Variants in MAP3K3 observed in about 807,000 individuals in gnomAD.
MAP3K3 encodes the protein mitogen-activated protein kinase kinase kinase 3.
In MAP3K3, 12 loss-of-function variants were observed where a neutral mutation model predicts 80.9. The ratio of observed to expected loss-of-function variants is 0.15; its 90% CI spans 0.10 to 0.24. MAP3K3 has a LOEUF of 0.24. MAP3K3 is among the 10% of genes least tolerant of loss of function. The pLI is 1.00. For synonymous variants in MAP3K3, 272 were observed against 307.1 expected, an observed-to-expected ratio of 0.89 and a Z score of 1.19; for missense variants, 596 against 834.7, an observed-to-expected ratio of 0.71 and a Z score of 3.52.
At chr17:63,640,473 A>C (rs1268991255) in intron 2 of MAP3K3, among the ~76,000 whole-genome samples, 2 of 152,194 alleles carry the variant, frequency 1.3e-5, no homozygotes, top group African/African-American at 4.8e-5. Flanking sequence ...CTGAGATCCA[A>C]ACAGTACTAC....
rs184250343 is a variant in MAP3K3, at chr17:63,663,146, A to G, written c.382-3794A>G. Among the ~76,000 whole-genome samples the G allele has an allele frequency of 2.0e-5, 3 of 152,320 alleles. No individual in the cohort carries two copies. In the East Asian group the frequency reaches 5.8e-4, roughly 29 times the overall value. On this transcript the variant is annotated intron_variant, in intron 5 of 15. Coordinates refer to ENST00000361733, the MANE Select transcript of MAP3K3 (RefSeq NM_002401.5). ...AGCTTTGAAGACAACTGAGCTAGCA[A>G]ATGTCCAGAAGACAAAATTTTCAAG...
intron 6 of MAP3K3, among the ~76,000 whole-genome samples, chr17:63,670,330 C>G (rs1330953980): frequency 1.3e-5 from 2 of 151,934 alleles, no homozygotes; most frequent in Admixed American, 1.3e-4. Flanking sequence ...CGCCTGTAAC[C>G]CCAGCACTTG....
chr17:63,628,384 G>A (rs1183794836), intron 1 of MAP3K3, among the ~76,000 whole-genome samples: 1 of 148,466 alleles, frequency 6.7e-6, no homozygotes, highest in African/African-American at 2.5e-5. Flanking sequence ...TTTTGAGACG[G>A]AGTTTCGCTC....
At position 63,693,652 on chromosome 17, in the gene MAP3K3, C is replaced by G; in HGVS notation, c.1756C>G (p.Pro586Ala). Residue 586 changes from proline (P) to alanine (A), a missense_variant, in exon 16 of 16, where the codon CCT becomes GCT. By Grantham distance (27) the Pro-to-Ala change is conservative (BLOSUM62 -1). This residue lies in a region of MAP3K3 where 364 missense variants were observed against 588.9 expected (regional missense o/e 0.62). Transcript: ENST00000361733. The surrounding 1 kb of genome is among the most constrained non-coding windows in gnomAD (Gnocchi z 4.2). The part of the protein sequence containing the change: ...IFKIATQPTN[P>A]QLPSHISEHG... ...CAAGATTGCCACCCAGCCCACCAAT[C>G]CTCAGCTGCCCTCCCACATCTCTGA... is the stretch of plus-strand genomic sequence containing the variant. The G allele has an allele frequency of 1.2e-6, 2 of 1,609,832 alleles. No individual in the cohort carries two copies. The highest frequency in any genetic ancestry group is 1.7e-6 in the Non-Finnish European group (2 of 1,177,114).
chr17:63,633,161 A>G (rs1013639756), intron 2 of MAP3K3, among the ~76,000 whole-genome samples: 2 of 151,730 alleles, frequency 1.3e-5, no homozygotes, highest in Admixed American at 1.3e-4. Context: ...CTGGAAGGCA[A>G]AGGCTGCAGT....
chr17:63,639,545 A>C (rs78129655), intron 2 of MAP3K3, among the ~76,000 whole-genome samples: 2,560 of 152,254 alleles, frequency 0.017, 65 homozygotes, highest in African/African-American at 0.059. Flanking sequence ...ATGGTGAAAA[A>C]GGTGATTGAG....
At position 63,652,650 on chromosome 17, in the gene MAP3K3, C is replaced by T. The variant is rs1287225905; in HGVS notation, c.261C>T (p.Asn87=). ...AACCTCTTGATCTACATTACATGAA[C>T]AATGAGGTGAGAAGGCAGATGGATG... The part of the protein sequence containing the change: ...FGQPLDLHYM[N]NELSILLKNQ... Residue 87 remains asparagine, a synonymous_variant, in exon 4 of 16, where the codon AAC becomes AAT. Coordinates refer to ENST00000361733, the MANE Select transcript of MAP3K3 (RefSeq NM_002401.5). 6.2e-7 allele frequency: 1 copy of T among 1,609,566 alleles called. No individual in the cohort carries two copies. The highest frequency in any genetic ancestry group is 8.5e-7 in the Non-Finnish European group (1 of 1,175,902).
Position 63,692,127 on chromosome 17 carries a change from CT to C in MAP3K3, c.1475-114del, listed in dbSNP as rs1217859090. 5 of 1,240,472 alleles carry C rather than the reference CT, an allele frequency of 4.0e-6. No homozygotes were observed. The highest frequency in any genetic ancestry group is 2.1e-5 in the Admixed American group (1 of 46,988). 76.8% of individuals were successfully genotyped at this position (1,240,472 alleles called of 1,614,324 possible). A position where few individuals can be genotyped will look rare whatever the true frequency, so the allele number is the denominator to read the frequency against. ...ATCCTTTGCCCTTTGCAGTTCATGT[CT>C]AATTCAGTGGTAGCCCTGCCCTCTC... On this transcript the variant is annotated intron_variant, in intron 14 of 15. Transcript: ENST00000361733. This position sits in a 1 kb window ranked among gnomAD's most constrained non-coding sequence, Gnocchi z 4.5.
intron 2 of MAP3K3, among the ~76,000 whole-genome samples, chr17:63,644,819 G>A (rs775982742): frequency 9.3e-4 from 141 of 152,194 alleles, no homozygotes; most frequent in African/African-American, 3.1e-3. Flanking sequence ...TTTCTTCCAA[G>A]CCACAGCCTA....
At chr17:63,685,215 G>A (rs1392079948) in intron 7 of MAP3K3, among the ~76,000 whole-genome samples, 1 of 152,150 alleles carries the variant, frequency 6.6e-6, no homozygotes, top group Non-Finnish European at 1.5e-5. Context: ...CATCTCCAGC[G>A]CCAGGCTCCA....
chr17:63,688,261 A>C, intron 8 of MAP3K3: 1 of 530,734 alleles, frequency 1.9e-6, no homozygotes, highest in Non-Finnish European at 3.4e-6. Context: ...AAGAAAGGCC[A>C]AGGAGGGAGA....
At chr17:63,663,034 C>T (rs1598094074) in intron 5 of MAP3K3, among the ~76,000 whole-genome samples, 1 of 151,938 alleles carries the variant, frequency 6.6e-6, no homozygotes, top group African/African-American at 2.4e-5. Context: ...GGTGCCTCCA[C>T]GGTTGGAAAT....
intron 3 of MAP3K3, among the ~76,000 whole-genome samples, chr17:63,649,923 G>A (rs1302830128): frequency 6.6e-6 from 1 of 152,068 alleles, no homozygotes; most frequent in Non-Finnish European, 1.5e-5. Flanking sequence ...GTGGCTTATT[G>A]CTTCTTCCTC....
intron 2 of MAP3K3, among the ~76,000 whole-genome samples, chr17:63,641,089 A>G (rs1202629938): frequency 1.3e-5 from 2 of 152,224 alleles, no homozygotes; most frequent in African/African-American, 4.8e-5. Context: ...ATTACCATTT[A>G]CCAACCACTT....
intron 2 of MAP3K3, chr17:63,636,647 C>T (rs1568124855): frequency 8.4e-6 from 2 of 236,812 alleles, no homozygotes; most frequent in South Asian, 6.9e-5. Context: ...GACACAGCCA[C>T]GCAGATCCAG....
intron 6 of MAP3K3, among the ~76,000 whole-genome samples, chr17:63,672,249 C>T (rs1339792349): frequency 4.8e-5 from 7 of 147,342 alleles, no homozygotes; most frequent in Non-Finnish European, 8.9e-5. Context: ...TGCCATTGCA[C>T]TCCAGCCTGG....
intron 8 of MAP3K3, among the ~76,000 whole-genome samples, chr17:63,687,350 CA>C (rs377122391): frequency 1.9e-3 from 255 of 132,938 alleles, no homozygotes; most frequent in Admixed American, 1.8e-3. Context: ...CTAAAAAATA[CA>C]AAAAAAAAAA....
chr17:63,671,481 C>T (rs1250481104), intron 6 of MAP3K3, among the ~76,000 whole-genome samples: 1 of 152,050 alleles, frequency 6.6e-6, no homozygotes, highest in Non-Finnish European at 1.5e-5. Flanking sequence ...GTCTCGATCT[C>T]TTGACCTTGT....
chr17:63,669,167 A>G (rs1225696242), intron 6 of MAP3K3, among the ~76,000 whole-genome samples: 1 of 152,116 alleles, frequency 6.6e-6, no homozygotes, highest in Non-Finnish European at 1.5e-5. Flanking sequence ...TTCTAACTGG[A>G]ATGATCTGGA....
Sources: allele counts gnomAD v4.1 joint callset (sites outside exome capture counted in the v4.1 genomes callset), GRCh38; gene constraint gnomAD v4.1.1; regional missense constraint gnomAD v4.1.1; non-coding constraint Gnocchi (gnomAD v3.1); transcripts MANE v1.5; gene names NCBI Gene and HGNC (gene_info 2026-07-23, HGNC 2026-07-21).